The following SLC44A3 variants were observed in gnomAD, a reference collection of about 807,000 sequenced individuals.
The protein encoded by SLC44A3 is solute carrier family 44 member 3, also known as choline transporter-like protein 3.
In SLC44A3, 74 loss-of-function variants were observed where a neutral mutation model predicts 75.4. The observed-to-expected ratio is 0.98, with a 90% CI of 0.81 to 1.19. SLC44A3 has a LOEUF of 1.19. Ranked by LOEUF, SLC44A3 falls within the 50% of genes most tolerant of loss-of-function variation. SLC44A3 has a pLI of 0.00. For missense variants in SLC44A3, 700 were observed against 778.6 expected (o/e 0.90, Z 1.20); for synonymous variants, 310 against 296.9 (o/e 1.04, Z -0.45).
chr1:94,824,657 C>A, intron 3 of SLC44A3, 22 bp downstream of exon 3: 1 of 1,548,456 alleles, frequency 6.5e-7, no homozygotes, highest in Non-Finnish European at 8.7e-7. Context: ...AATAAGTCCC[C>A]AGTCTGTAAG....
intron 12 of SLC44A3, among the ~76,000 whole-genome samples, chr1:94,868,836 C>T (rs942553702): frequency 2.0e-5 from 3 of 152,258 alleles, no homozygotes; most frequent in African/African-American, 4.8e-5. Context: ...CACTGTACTA[C>T]GGGAATTCAG....
At chr1:94,857,242 C>G in intron 9 of SLC44A3, 93 bp from the exon 10 acceptor site, 1 of 1,328,238 alleles carries the variant, frequency 7.5e-7, no homozygotes, top group Non-Finnish European at 1.0e-6. Context: ...TATGTAATGC[C>G]AAAGGCCAAG....
chr1:94,836,054 G>A (rs1416395347), intron 5 of SLC44A3, among the ~76,000 whole-genome samples: 3 of 152,186 alleles, frequency 2.0e-5, no homozygotes, highest in East Asian at 3.8e-4. Context: ...ATTCTTCCAC[G>A]TGTTCTATGT....
chr1:94,843,558 C>T, intron 8 of SLC44A3: 1 of 151,932 alleles, frequency 6.6e-6, no homozygotes, highest in East Asian at 1.9e-4. Flanking sequence ...TGTCTTTCCT[C>T]CACTTGACTG....
At chr1:94,873,631 C>G (rs985451008) in intron 12 of SLC44A3, among the ~76,000 whole-genome samples, 1 of 152,134 alleles carries the variant, frequency 6.6e-6, no homozygotes, top group Non-Finnish European at 1.5e-5. Flanking sequence ...TCTCTTCCCC[C>G]GCCCCTTTCC....
chr1:94,863,787 A>T (rs940674159), intron 10 of SLC44A3, among the ~76,000 whole-genome samples: 2 of 152,198 alleles, frequency 1.3e-5, no homozygotes, highest in Non-Finnish European at 2.9e-5. Context: ...TAACAGCAAA[A>T]TGCAGCCATT....
chr1:94,851,681 T>G (rs1665231859), intron 9 of SLC44A3, among the ~76,000 whole-genome samples: 2 of 152,210 alleles, frequency 1.3e-5, no homozygotes, highest in African/African-American at 4.8e-5. Context: ...TTTCCTCTCT[T>G]TTTTCCTAAT....
intron 2 of SLC44A3, among the ~76,000 whole-genome samples, chr1:94,823,554 CAAG>C (rs1660903577): frequency 6.6e-6 from 1 of 152,178 alleles, no homozygotes; most frequent in Non-Finnish European, 1.5e-5. Flanking sequence ...AAGAAAGTCT[CAAG>C]AACACACTGG....
intron 4 of SLC44A3, 70 bp from the exon 5 acceptor site, chr1:94,828,423 T>A (rs1661668079): frequency 1.6e-6 from 2 of 1,288,764 alleles, no homozygotes; most frequent in Non-Finnish European, 2.2e-6. Flanking sequence ...TCTGGTTTGG[T>A]AACATGGCTG....
intron 9 of SLC44A3, among the ~76,000 whole-genome samples, chr1:94,849,257 A>G (rs180872380): frequency 1.3e-5 from 2 of 152,334 alleles, no homozygotes; most frequent in East Asian, 3.9e-4. Flanking sequence ...GGGGCCAGAA[A>G]GGAAACTGGG....
chr1:94,887,784 G>C (rs1669750990), intron 12 of SLC44A3, among the ~76,000 whole-genome samples: 1 of 152,154 alleles, frequency 6.6e-6, no homozygotes, highest in African/African-American at 2.4e-5. Flanking sequence ...AGAGACAGAG[G>C]CTGAGCGGCA....
intron 4 of SLC44A3, among the ~76,000 whole-genome samples, chr1:94,828,258 A>C (rs1193466316): frequency 1.3e-5 from 2 of 152,220 alleles, no homozygotes; most frequent in Non-Finnish European, 2.9e-5. Context: ...AATATGCTTC[A>C]GATTATTTTA....
intron 12 of SLC44A3, among the ~76,000 whole-genome samples, chr1:94,875,944 A>T (rs2101567071): frequency 6.6e-6 from 1 of 152,330 alleles, no homozygotes; most frequent in South Asian, 2.1e-4. Context: ...TCCACCTTTG[A>T]ATCAGCACAT....
chr1:94,870,351 T>C (rs2101509966), intron 12 of SLC44A3, among the ~76,000 whole-genome samples: 1 of 152,300 alleles, frequency 6.6e-6, no homozygotes, highest in Admixed American at 6.5e-5. Context: ...TCCAAGAAAT[T>C]GACAAGCTAG....
At chr1:94,825,052 C>T (rs1358236803) in intron 3 of SLC44A3, among the ~76,000 whole-genome samples, 1 of 152,194 alleles carries the variant, frequency 6.6e-6, no homozygotes, top group Non-Finnish European at 1.5e-5. Flanking sequence ...ACATCATCCA[C>T]ACATTGTTTC....
At chr1:94,825,341 A>G (rs1292024834) in intron 3 of SLC44A3, among the ~76,000 whole-genome samples, 1 of 152,122 alleles carries the variant, frequency 6.6e-6, no homozygotes, top group Non-Finnish European at 1.5e-5. Flanking sequence ...TTTATTTTTT[A>G]TTTTTTTGAG....
At chr1:94,858,787 G>T (rs375764449) in intron 10 of SLC44A3, among the ~76,000 whole-genome samples, 1 of 152,270 alleles carries the variant, frequency 6.6e-6, no homozygotes, top group East Asian at 1.9e-4. Context: ...TGCTTCCTGG[G>T]TTCAAGTGAT....
intron 12 of SLC44A3, among the ~76,000 whole-genome samples, chr1:94,868,783 A>C (rs918573936): frequency 6.6e-6 from 1 of 152,282 alleles, no homozygotes; most frequent in African/African-American, 2.4e-5. Flanking sequence ...TATGTTGGCC[A>C]TATGGCCCTA....
intron 10 of SLC44A3, 26 bp downstream of exon 10, chr1:94,857,526 G>T: frequency 6.3e-7 from 1 of 1,594,500 alleles, no homozygotes; most frequent in Admixed American, 1.8e-5. Flanking sequence ...TTTTTCTATT[G>T]GTTTGTCTAT....
Sources: allele counts gnomAD v4.1 joint callset (sites outside exome capture counted in the v4.1 genomes callset), GRCh38; gene constraint gnomAD v4.1.1; transcripts MANE v1.5; gene names NCBI Gene and HGNC (gene_info 2026-07-23, HGNC 2026-07-21).